CD82: variants seen among roughly 807,000 people sequenced by gnomAD.
CD82 encodes the protein CD82 molecule.
A neutral mutation model predicts 37.4 loss-of-function variants in CD82; 36 were observed. The ratio of observed to expected loss-of-function variants is 0.96; its 90% CI spans 0.74 to 1.27. The LOEUF is 1.27. Among genes scored for constraint, CD82 ranks in the 50% most tolerant of loss-of-function variants. CD82 has a pLI of 0.00. For missense variants in CD82, 340 were observed against 347.0 expected (o/e 0.98, Z 0.16); for synonymous variants, 158 against 137.4 (o/e 1.15, Z -1.05).
At chr11:44,615,504 C>T (rs1198425781) in intron 7 of CD82, 131 bp downstream of exon 7, 8 of 654,096 alleles carry the variant, frequency 1.2e-5, no homozygotes, top group Admixed American at 6.8e-5. Flanking sequence ...GGAGAGTGTG[C>T]TTCTATGGGG....
In CD82 at chr11:44,600,187, GGTGT is replaced by G; in HGVS notation, c.95_98del (p.Val32GlyfsTer62). On this transcript the variant is annotated frameshift_variant, in exon 4 of 10. Coordinates refer to ENST00000227155, the MANE Select transcript of CD82 (RefSeq NM_002231.4). LOFTEE classifies it high-confidence loss of function. ...TGGGCGCAGTGATCCTGGGCTTCGG[GGTGT>G]GGATCCTGGCCGACAAGAGCAGTTT... is the stretch of plus-strand genomic sequence containing the variant. 6.2e-7 allele frequency: 1 copy of G among 1,614,114 alleles called. No individual in the cohort carries two copies. The highest frequency in any genetic ancestry group is 8.5e-7 in the Non-Finnish European group (1 of 1,180,010).
At position 44,619,060 on chromosome 11, in the gene CD82, G is replaced by A; in HGVS notation, c.738G>A (p.Met246Ile). 6.2e-7 allele frequency: 1 copy of A among 1,612,748 alleles called. No homozygotes were observed. The highest frequency in any genetic ancestry group is 8.5e-7 in the Non-Finnish European group (1 of 1,179,588). ...VGVAIIELLGMVLSICLCRHV... is the reference protein window; with the variant it reads ...VGVAIIELLGIVLSICLCRHV... The stretch of plus-strand genomic sequence containing the variant: ...GCCTCTCCCCACAGCTCCTGGGGAT[G>A]GTCCTGTCCATCTGCTTGTGCCGGC... Residue 246 changes from methionine to isoleucine, a missense_variant, in exon 10 of 10, where the codon ATG becomes ATA. Met to Ile is a conservative substitution (Grantham distance 10). Coordinates refer to ENST00000227155, the MANE Select transcript of CD82 (RefSeq NM_002231.4).
At chr11:44,581,361 G>A (rs2134633054) in intron 1 of CD82, among the ~76,000 whole-genome samples, 1 of 152,354 alleles carries the variant, frequency 6.6e-6, no homozygotes, top group Admixed American at 6.5e-5. Context: ...GGGGTGATGA[G>A]CAGTGGCTTA....
intron 1 of CD82, among the ~76,000 whole-genome samples, chr11:44,566,551 C>A (rs557821680): frequency 2.0e-4 from 30 of 152,168 alleles, no homozygotes; most frequent in Non-Finnish European, 3.7e-4. Context: ...CAGCATAGTT[C>A]TGTGGTCAAG....
At chr11:44,618,924 C>T (rs1853612796) in intron 9 of CD82, 125 bp from the exon 10 acceptor site, 2 of 922,054 alleles carry the variant, frequency 2.2e-6, no homozygotes, top group Admixed American at 3.7e-5. Context: ...CTGCCTGCAT[C>T]ACAGGGTGGT....
chr11:44,579,736 G>T (rs55954253), intron 1 of CD82, among the ~76,000 whole-genome samples: 1 of 152,116 alleles, frequency 6.6e-6, no homozygotes, highest in Non-Finnish European at 1.5e-5. Context: ...GGAACCAGGG[G>T]CCCTCTGTGG....
At chr11:44,567,767 C>T (rs757652708) in intron 1 of CD82, among the ~76,000 whole-genome samples, 4 of 152,070 alleles carry the variant, frequency 2.6e-5, no homozygotes, top group Non-Finnish European at 4.4e-5. Flanking sequence ...GCTTACCATC[C>T]GGGAAGGGGC....
rs541161774 is a variant in CD82 at position 44,618,224 on chromosome 11, C to T, written c.501C>T (p.Arg167=). 398 of 1,614,124 alleles carry T rather than the reference C, an allele frequency of 2.5e-4. 4 individuals are homozygous for T. In the South Asian group the frequency reaches 4.2e-3, roughly 17 times the overall value. ...NWTDNAELMN[R]PEVTYPCSCE... Reference sequence around the variant, plus strand: ...CAGACAACGCTGAGCTCATGAATCGCCCTGAGGTCACCTACCCCTGTTCCT... The same window carrying T: ...CAGACAACGCTGAGCTCATGAATCGTCCTGAGGTCACCTACCCCTGTTCCT... The change falls in exon 8 of 10, where the codon CGC becomes CGT. Residue 167 remains arginine (R), a synonymous_variant. Coordinates refer to ENST00000227155, the MANE Select transcript of CD82 (RefSeq NM_002231.4).
rs571358490 is a variant in CD82 at position 44,603,364 on chromosome 11, G to A, written c.137-1694G>A. 2.6e-5 allele frequency among the ~76,000 whole-genome samples: 4 copies of A among 152,300 alleles called. No individual in the cohort carries two copies. In the East Asian group the frequency reaches 7.7e-4, roughly 29 times the overall value. ...CCAGTTTGATAGTTATTCTGTAAGGGCACTAACGCCCCTTGGGGACCAAGG... is the reference window on the plus strand; with the variant it reads ...CCAGTTTGATAGTTATTCTGTAAGGACACTAACGCCCCTTGGGGACCAAGG... On this transcript the variant is annotated intron_variant, in intron 4 of 9. Coordinates refer to ENST00000227155, the MANE Select transcript of CD82 (RefSeq NM_002231.4).
At chr11:44,610,040 A>G (rs1334454848) in intron 6 of CD82, among the ~76,000 whole-genome samples, 2 of 152,190 alleles carry the variant, frequency 1.3e-5, no homozygotes, top group Non-Finnish European at 2.9e-5. Flanking sequence ...AGCATTTGCC[A>G]ACATCTCATG....
In CD82 at chr11:44,619,202, A is replaced by AG; in HGVS notation, c.*78dup. 4 of 1,174,504 alleles carry AG rather than the reference A, an allele frequency of 3.4e-6. No individual in the cohort carries two copies. Among genetic ancestry groups the AG allele is most frequent in the Non-Finnish European group, 5.1e-6 (4 of 780,042 alleles). 72.8% of individuals were successfully genotyped at this position (1,174,504 alleles called of 1,614,324 possible). A position where few individuals can be genotyped will look rare whatever the true frequency, so the allele number is the denominator to read the frequency against. ...AGGGGTCTCCCTGGCTCCCTCCTCCAGGCCTGCCTCCCACTTCACTGCGAA... is the reference window on the plus strand; with the variant it reads ...AGGGGTCTCCCTGGCTCCCTCCTCCAGGGCCTGCCTCCCACTTCACTGCGAA... On this transcript the variant is annotated 3_prime_UTR_variant, in exon 10 of 10. Transcript: ENST00000227155.
intron 4 of CD82, among the ~76,000 whole-genome samples, chr11:44,600,937 T>C (rs1017830017): frequency 1.1e-4 from 17 of 152,184 alleles, no homozygotes; most frequent in African/African-American, 4.1e-4. Context: ...ATGCAGCACA[T>C]GGCAGGGTGA....
intron 1 of CD82, among the ~76,000 whole-genome samples, chr11:44,568,976 A>C (rs1436831957): frequency 6.6e-6 from 1 of 152,132 alleles, no homozygotes. Flanking sequence ...CCTCTGCCCC[A>C]TGGGAAGCTC....
intron 1 of CD82, among the ~76,000 whole-genome samples, chr11:44,577,745 G>A (rs1018168377): frequency 6.6e-6 from 1 of 152,182 alleles, no homozygotes; most frequent in South Asian, 2.1e-4. Flanking sequence ...GTGCCTGGGG[G>A]TTCATGGTAC....
At chr11:44,580,575 T>C (rs1360607005) in intron 1 of CD82, among the ~76,000 whole-genome samples, 1 of 151,902 alleles carries the variant, frequency 6.6e-6, no homozygotes, top group African/African-American at 2.4e-5. Context: ...TAGCCAGACG[T>C]GGTGGTGTGT....
intron 1 of CD82, among the ~76,000 whole-genome samples, chr11:44,575,818 CAA>C (rs1852883301): frequency 1.3e-5 from 2 of 152,122 alleles, no homozygotes; most frequent in African/African-American, 4.8e-5. Context: ...TGCAGGAGGA[CAA>C]GAGGATTATC....
intron 1 of CD82, among the ~76,000 whole-genome samples, chr11:44,578,827 C>T (rs964820126): frequency 6.6e-6 from 1 of 152,192 alleles, no homozygotes; most frequent in African/African-American, 2.4e-5. Flanking sequence ...GGACTGTCCC[C>T]ACTGCACAGA....
At chr11:44,601,987 AG>A (rs1177889435) in intron 4 of CD82, among the ~76,000 whole-genome samples, 1 of 152,172 alleles carries the variant, frequency 6.6e-6, no homozygotes, top group African/African-American at 2.4e-5. Flanking sequence ...TTCCCTACCG[AG>A]TTGAATCCCT....
chr11:44,606,467 CAAA>C (rs386373732), intron 6 of CD82: 17 of 104,950 alleles, frequency 1.6e-4, no homozygotes, highest in South Asian at 6.8e-4. Flanking sequence ...GACCCTGTCT[CAAA>C]AAAAAAAAAA....
Sources: allele counts gnomAD v4.1 joint callset (sites outside exome capture counted in the v4.1 genomes callset), GRCh38; gene constraint gnomAD v4.1.1; transcripts MANE v1.5; gene names NCBI Gene and HGNC (gene_info 2026-07-23, HGNC 2026-07-21).